The following RAP1GAP2 variants were observed in gnomAD, a reference collection of about 807,000 sequenced individuals.
RAP1GAP2 encodes the protein rap1 GTPase-activating protein 2.
In RAP1GAP2, 27 loss-of-function variants were observed where a neutral mutation model predicts 95.0. The ratio of observed to expected loss-of-function variants is 0.28; its 90% CI spans 0.21 to 0.39. RAP1GAP2 has a LOEUF of 0.39. Ranked by LOEUF, RAP1GAP2 falls within the 10% of genes least tolerant of loss-of-function variation. The pLI, the probability that RAP1GAP2 is intolerant of heterozygous loss-of-function variation, is 1.00. For missense variants in RAP1GAP2, 771 were observed against 970.0 expected, an observed-to-expected ratio of 0.79 and a Z score of 2.72; for synonymous variants, 373 against 380.9, an observed-to-expected ratio of 0.98 and a Z score of 0.24.
At chr17:2,938,607 G>C (rs2043377702) in intron 3 of RAP1GAP2, among the ~76,000 whole-genome samples, 1 of 152,078 alleles carries the variant, frequency 6.6e-6, no homozygotes, top group Admixed American at 6.5e-5. Context: ...AATAATTACA[G>C]GGCATGAGCA....
At chr17:2,769,545 A>C (rs2068348805) in intron 1 of RAP1GAP2, among the ~76,000 whole-genome samples, 1 of 151,630 alleles carries the variant, frequency 6.6e-6, no homozygotes. Context: ...ACAGAGCGAG[A>C]CTCCATCTCA....
At chr17:2,950,400 A>G (rs927928856) in intron 3 of RAP1GAP2, among the ~76,000 whole-genome samples, 10 of 152,098 alleles carry the variant, frequency 6.6e-5, no homozygotes, top group East Asian at 1.9e-4. Context: ...GGGAAGACCA[A>G]TGAAATCGAG....
intron 1 of RAP1GAP2, among the ~76,000 whole-genome samples, chr17:2,762,549 A>G (rs1035447101): frequency 1.3e-5 from 2 of 150,152 alleles, no homozygotes; most frequent in Non-Finnish European, 3.0e-5. Context: ...AGGTGCCCAC[A>G]ACCACACCTG....
chr17:2,842,445 G>T (rs1180043244), intron 2 of RAP1GAP2, among the ~76,000 whole-genome samples: 2 of 148,648 alleles, frequency 1.3e-5, no homozygotes, highest in Non-Finnish European at 3.0e-5. Context: ...CAGGAGAATT[G>T]CTTGAATCCG....
intron 3 of RAP1GAP2, among the ~76,000 whole-genome samples, chr17:2,940,470 G>A (rs942878212): frequency 6.6e-6 from 1 of 152,236 alleles, no homozygotes; most frequent in African/African-American, 2.4e-5. Context: ...CATGGCGAGA[G>A]GGGGAGGGAC....
chr17:3,014,125 G>A (rs1477514887), intron 17 of RAP1GAP2, among the ~76,000 whole-genome samples: 51 of 149,272 alleles, frequency 3.4e-4, no homozygotes, highest in African/African-American at 1.1e-3. Flanking sequence ...ACACACGTCG[G>A]CTATAGAGCG....
At chr17:2,869,634 T>A (rs1246909240) in intron 2 of RAP1GAP2, among the ~76,000 whole-genome samples, 2 of 152,142 alleles carry the variant, frequency 1.3e-5, no homozygotes, top group African/African-American at 4.8e-5. Context: ...ACAGCCCACG[T>A]TCTGAAGTTG....
chr17:3,018,216 C>A lies in RAP1GAP2; in HGVS notation c.1632+18C>A. On this transcript the variant is annotated intron_variant, in intron 18 of 24. Transcript: ENST00000254695. Reference sequence around the variant, plus strand: ...CCTTCTCGGTGAGTGCTGGCAGGCCCCGGGGCGGCAAGTGGGTCCCAGGGA... The same window carrying A: ...CCTTCTCGGTGAGTGCTGGCAGGCCACGGGGCGGCAAGTGGGTCCCAGGGA... 6.5e-7 allele frequency: 1 copy of A among 1,547,008 alleles called. No individual in the cohort carries two copies. The highest frequency in any genetic ancestry group is 8.7e-7 in the Non-Finnish European group (1 of 1,147,862).
rs377136063 is a variant in RAP1GAP2, at chr17:3,005,599, C to T, written c.1272+159C>T. ...CTCCTTTCTTGGGGTCTCTCCCCAC[C>T]TCTTTCATGCTGCCAGTCTGGCCCA... On this transcript the variant is annotated intron_variant, in intron 15 of 24. Transcript: ENST00000254695. This position sits in a 1 kb window ranked among gnomAD's most constrained non-coding sequence, Gnocchi z 5.2. 3.3e-5 allele frequency among the ~76,000 whole-genome samples: 5 copies of T among 152,286 alleles called. No homozygotes were observed. The highest frequency in any genetic ancestry group is 9.6e-5 in the African/African-American group (4 of 41,556).
In RAP1GAP2 at chr17:2,897,399, C is replaced by T. The variant is rs114765474; in HGVS notation, c.81-7885C>T. ...CAGAAGCCAGTTGTGCTTCCTGACA[C>T]GTTCCTCCTGGAGACTTTTTTTTTT... On this transcript the variant is annotated intron_variant, in intron 2 of 24. Transcript: ENST00000254695. Among the ~76,000 whole-genome samples the T allele has an allele frequency of 3.9e-3, 591 of 151,768 alleles. 3 individuals are homozygous for T. The highest frequency in any genetic ancestry group is 0.014 in the African/African-American group (559 of 41,350).
chr17:2,810,982 T>G (rs1312254494), intron 2 of RAP1GAP2, among the ~76,000 whole-genome samples: 2 of 152,118 alleles, frequency 1.3e-5, no homozygotes, highest in African/African-American at 4.8e-5. Context: ...TGACCGCTGT[T>G]TTCATCTGGA....
chr17:2,942,806 C>A (rs1421017801), intron 3 of RAP1GAP2, among the ~76,000 whole-genome samples: 1 of 152,072 alleles, frequency 6.6e-6, no homozygotes, highest in Non-Finnish European at 1.5e-5. Flanking sequence ...CTTGCTCTGT[C>A]ACCCAGGCTG....
intron 2 of RAP1GAP2, among the ~76,000 whole-genome samples, chr17:2,829,328 C>G (rs34674099): frequency 0.8 from 121,603 of 152,016 alleles, 49,070 homozygotes; most frequent in African/African-American, 0.88. Context: ...CGGGTGGTGA[C>G]TTAGGATCAG....
At chr17:2,833,920 G>C (rs2071019216) in intron 2 of RAP1GAP2, among the ~76,000 whole-genome samples, 1 of 152,198 alleles carries the variant, frequency 6.6e-6, no homozygotes, top group South Asian at 2.1e-4. Flanking sequence ...CTGTCTCCTT[G>C]CTGTGGTTGC....
At chr17:2,978,064 T>C (rs2045203748) in intron 8 of RAP1GAP2, among the ~76,000 whole-genome samples, 1 of 152,198 alleles carries the variant, frequency 6.6e-6, no homozygotes, top group Non-Finnish European at 1.5e-5. Context: ...ACTAAGCATT[T>C]ATGCACTGTG....
intron 3 of RAP1GAP2, among the ~76,000 whole-genome samples, chr17:2,945,246 A>T (rs548010803): frequency 6.6e-6 from 1 of 152,136 alleles, no homozygotes; most frequent in South Asian, 2.1e-4. Context: ...TTAATTTATT[A>T]TTTTTATTAT....
intron 2 of RAP1GAP2, among the ~76,000 whole-genome samples, chr17:2,851,820 A>G (rs1281035325): frequency 6.6e-6 from 1 of 151,064 alleles, no homozygotes; most frequent in Non-Finnish European, 1.5e-5. Context: ...CAAGTGATCC[A>G]CCTGCCTGCC....
At chr17:2,772,473 A>G (rs909524570), upstream of RAP1GAP2, among the ~76,000 whole-genome samples, 4 of 151,726 alleles carry the variant, frequency 2.6e-5, no homozygotes, top group Admixed American at 6.6e-5. Flanking sequence ...TTTTATTCTT[A>G]TTTTTATAGA....
chr17:2,888,668 T>C (rs1175912300), intron 2 of RAP1GAP2, among the ~76,000 whole-genome samples: 2 of 130,320 alleles, frequency 1.5e-5, no homozygotes, highest in African/African-American at 5.3e-5. Flanking sequence ...TTTTTTTTTT[T>C]TGGAGACGGA....
Sources: allele counts gnomAD v4.1 joint callset (sites outside exome capture counted in the v4.1 genomes callset), GRCh38; gene constraint gnomAD v4.1.1; non-coding constraint Gnocchi (gnomAD v3.1); transcripts MANE v1.5; gene names NCBI Gene and HGNC (gene_info 2026-07-23, HGNC 2026-07-21).